Variants in DPYD observed in about 807,000 individuals in gnomAD.
The protein encoded by DPYD is dihydropyrimidine dehydrogenase.
A neutral mutation model predicts 116.2 loss-of-function variants in DPYD; 109 were observed. That is an observed-to-expected ratio of 0.94 (90% CI 0.80 to 1.10). The LOEUF is 1.10. Ranked by LOEUF, DPYD falls within the 50% of genes least tolerant of loss-of-function variation. The pLI, the probability that DPYD is intolerant of heterozygous loss-of-function variation, is 0.00. For synonymous variants in DPYD, 440 were observed against 432.0 expected (o/e 1.02, Z -0.23); for missense variants, 1,302 against 1,254.5 (o/e 1.04, Z -0.57).
In DPYD at chr1:97,852,940, T is replaced by C. The variant is rs561441724; in HGVS notation, c.151-24744A>G. ...TCAGGGATACTTCACCAATTTATTA[T>C]TGAAAATCAATTGGCTGTCAATATC... On this transcript the variant is annotated intron_variant, in intron 2 of 22. Coordinates refer to ENST00000370192, the MANE Select transcript of DPYD (RefSeq NM_000110.4). Among the ~76,000 whole-genome samples, 3 of 152,322 alleles carry C rather than the reference T, an allele frequency of 2.0e-5. No individual in the cohort carries two copies. In the South Asian group the frequency reaches 6.2e-4, roughly 32 times the overall value.
chr1:97,457,170 C>G (rs1201243816), intron 13 of DPYD, among the ~76,000 whole-genome samples: 1 of 148,660 alleles, frequency 6.7e-6, no homozygotes, highest in African/African-American at 2.4e-5. Context: ...AAATGTACGA[C>G]CTGATTAGGC....
At chr1:97,910,475 A>T (rs1464303617) in intron 1 of DPYD, among the ~76,000 whole-genome samples, 4 of 152,076 alleles carry the variant, frequency 2.6e-5, no homozygotes, top group Non-Finnish European at 5.9e-5. Context: ...TGGAACTATT[A>T]AAAAGGATGA....
intron 14 of DPYD, among the ~76,000 whole-genome samples, chr1:97,430,747 T>C (rs904841286): frequency 6.6e-6 from 1 of 152,184 alleles, no homozygotes; most frequent in Non-Finnish European, 1.5e-5. Context: ...TGCACATAAT[T>C]ACAAGATGCA....
chr1:97,792,138 G>T (rs1330687447), intron 3 of DPYD, among the ~76,000 whole-genome samples: 1 of 152,058 alleles, frequency 6.6e-6, no homozygotes, highest in African/African-American at 2.4e-5. Context: ...AACTATTTTT[G>T]GTATGCCCAT....
At chr1:97,916,304 T>C (rs61787826) in intron 1 of DPYD, among the ~76,000 whole-genome samples, 32,131 of 151,962 alleles carry the variant, frequency 0.21, 3,612 homozygotes, top group South Asian at 0.25. Flanking sequence ...CATTTAACAT[T>C]AGGTATATCT....
chr1:97,188,151 A>G (rs1048385885), intron 20 of DPYD, among the ~76,000 whole-genome samples: 17 of 152,156 alleles, frequency 1.1e-4, no homozygotes, highest in African/African-American at 4.1e-4. Flanking sequence ...TCTATTATCA[A>G]AACAAATCCT....
At chr1:97,914,389 C>T (rs72981737) in intron 1 of DPYD, among the ~76,000 whole-genome samples, 2,829 of 152,154 alleles carry the variant, frequency 0.019, 91 homozygotes, top group African/African-American at 0.065. Context: ...CTCCAGTTAG[C>T]ACATGGAAAT....
intron 20 of DPYD, among the ~76,000 whole-genome samples, chr1:97,138,975 C>T (rs11799399): frequency 0.15 from 22,628 of 152,082 alleles, 1,898 homozygotes; most frequent in East Asian, 0.3. Flanking sequence ...TATTACCTAT[C>T]AAATAAAACA....
chr1:97,664,617 T>C (rs192067970), intron 8 of DPYD, among the ~76,000 whole-genome samples: 30 of 152,238 alleles, frequency 2.0e-4, no homozygotes, highest in Non-Finnish European at 3.8e-4. Context: ...TGCCTTATTT[T>C]GCTTCCTCTT....
At chr1:97,808,664 A>G (rs1268881697) in intron 3 of DPYD, among the ~76,000 whole-genome samples, 2 of 152,022 alleles carry the variant, frequency 1.3e-5, no homozygotes, top group Non-Finnish European at 2.9e-5. Context: ...TGATGCCAAA[A>G]AGCACTGGTC....
chr1:97,741,485 G>A (rs1237543398), intron 3 of DPYD, among the ~76,000 whole-genome samples: 1 of 152,130 alleles, frequency 6.6e-6, no homozygotes, highest in East Asian at 1.9e-4. Context: ...AAGGGCCTCT[G>A]AAGTGATTCT....
intron 20 of DPYD, among the ~76,000 whole-genome samples, chr1:97,170,520 T>G (rs1023950378): frequency 6.6e-6 from 1 of 152,070 alleles, no homozygotes; most frequent in African/African-American, 2.4e-5. Context: ...ACATAGGCAA[T>G]GCAGCTGATG....
chr1:97,736,081 C>T (rs1180258633), intron 4 of DPYD, among the ~76,000 whole-genome samples: 1 of 151,680 alleles, frequency 6.6e-6, no homozygotes, highest in Non-Finnish European at 1.5e-5. Context: ...TCAATAATTG[C>T]AAAGAAAAAT....
chr1:97,081,191 C>T (rs946462428), intron 22 of DPYD, among the ~76,000 whole-genome samples: 2 of 151,586 alleles, frequency 1.3e-5, no homozygotes, highest in Admixed American at 6.6e-5. Context: ...AAAATCCCAC[C>T]ATGAGCAGTA....
At chr1:97,152,494 T>A (rs1312250986) in intron 20 of DPYD, among the ~76,000 whole-genome samples, 2 of 151,206 alleles carry the variant, frequency 1.3e-5, no homozygotes, top group Non-Finnish European at 2.9e-5. Flanking sequence ...ATTGAATATA[T>A]ACACAAATAC....
chr1:97,449,615 G>T (rs1237683539), intron 14 of DPYD, among the ~76,000 whole-genome samples: 1 of 152,116 alleles, frequency 6.6e-6, no homozygotes, highest in Non-Finnish European at 1.5e-5. Context: ...TAGTATAGGA[G>T]TGTTAAAATT....
At chr1:97,802,221 G>A (rs1006317119) in intron 3 of DPYD, among the ~76,000 whole-genome samples, 3 of 151,828 alleles carry the variant, frequency 2.0e-5, no homozygotes, top group Non-Finnish European at 4.4e-5. Flanking sequence ...CTGACAGTTG[G>A]CTCTAGCAAA....
At chr1:97,626,650 GC>G (rs139206906) in intron 8 of DPYD, among the ~76,000 whole-genome samples, 2,046 of 152,068 alleles carry the variant, frequency 0.013, 50 homozygotes, top group African/African-American at 0.047. Context: ...GTTATTATTT[GC>G]CTGATTATCA....
chr1:97,186,803 G>A (rs552923312), intron 20 of DPYD, among the ~76,000 whole-genome samples: 8 of 152,186 alleles, frequency 5.3e-5, no homozygotes, highest in South Asian at 4.1e-4. Flanking sequence ...AGCCGAGAAC[G>A]TGCCACTGCA....
Sources: allele counts gnomAD v4.1 joint callset (sites outside exome capture counted in the v4.1 genomes callset), GRCh38; gene constraint gnomAD v4.1.1; transcripts MANE v1.5; gene names NCBI Gene and HGNC (gene_info 2026-07-23, HGNC 2026-07-21).